CLVS1: variants seen among roughly 807,000 people sequenced by gnomAD.
The protein encoded by CLVS1 is clavesin-1.
Under a neutral mutation model 33.1 loss-of-function variants are expected in CLVS1, and 10 were observed. That is an observed-to-expected ratio of 0.30 (90% CI 0.19 to 0.51). The LOEUF is 0.51. Among genes scored for constraint, CLVS1 ranks in the 20% least tolerant of loss-of-function variants. The pLI, the probability that CLVS1 is intolerant of heterozygous loss-of-function variation, is 0.97. For synonymous variants in CLVS1, 163 were observed against 166.1 expected, an observed-to-expected ratio of 0.98 and a Z score of 0.14; for missense variants, 343 against 433.4, an observed-to-expected ratio of 0.79 and a Z score of 1.85.
chr8:61,316,727 T>C (rs907526060), intron 2 of CLVS1, among the ~76,000 whole-genome samples: 1 of 152,236 alleles, frequency 6.6e-6, no homozygotes, highest in Non-Finnish European at 1.5e-5. Context: ...GCATCCACTG[T>C]GTATAGCTTT....
At chr8:61,497,769 G>A (rs1244483695) in intron 5 of CLVS1, among the ~76,000 whole-genome samples, 1 of 152,210 alleles carries the variant, frequency 6.6e-6, no homozygotes, top group Non-Finnish European at 1.5e-5. Context: ...CATAGAAAGA[G>A]CAGCTCTGAG....
At chr8:61,075,883 C>A (rs1325692186) in intron 1 of CLVS1, among the ~76,000 whole-genome samples, 1 of 152,230 alleles carries the variant, frequency 6.6e-6, no homozygotes, top group Admixed American at 6.5e-5. Context: ...CATCTTCCAT[C>A]TCCTGTCCAG....
intron 5 of CLVS1, among the ~76,000 whole-genome samples, chr8:61,474,288 T>C (rs1817834968): frequency 6.6e-6 from 1 of 152,060 alleles, no homozygotes; most frequent in African/African-American, 2.4e-5. Context: ...AAGGTGAAGA[T>C]TTAAAGGTAT....
intron 2 of CLVS1, among the ~76,000 whole-genome samples, chr8:61,166,132 ATTTTTTT>A (rs201835615): frequency 7.8e-6 from 1 of 128,816 alleles, no homozygotes; most frequent in East Asian, 2.2e-4. Context: ...TATTTATTTT[ATTTTTTT>A]TTTTTTGAGA....
chr8:61,098,385 TC>T (rs1287883954), intron 1 of CLVS1, among the ~76,000 whole-genome samples: 1 of 144,336 alleles, frequency 6.9e-6, no homozygotes, highest in Non-Finnish European at 1.5e-5. Context: ...AGATTAAAAT[TC>T]CCTTTTAGGG....
chr8:61,088,891 T>A (rs536715131), intron 1 of CLVS1, among the ~76,000 whole-genome samples: 41 of 151,188 alleles, frequency 2.7e-4, no homozygotes, highest in African/African-American at 8.3e-4. Context: ...AAGCTCCGCC[T>A]CCTGGGTTCA....
intron 2 of CLVS1, among the ~76,000 whole-genome samples, chr8:61,370,890 A>G (rs1813410475): frequency 6.6e-6 from 1 of 151,696 alleles, no homozygotes; most frequent in South Asian, 2.1e-4. Context: ...TTCTTTATTT[A>G]CTCGTTGATT....
intron 2 of CLVS1, among the ~76,000 whole-genome samples, chr8:61,313,434 G>A (rs1810908221): frequency 6.6e-6 from 1 of 152,296 alleles, no homozygotes; most frequent in African/African-American, 2.4e-5. Context: ...TTATCCTAAG[G>A]ACAAATCAAG....
intron 3 of CLVS1, among the ~76,000 whole-genome samples, chr8:61,431,276 T>C (rs1816102808): frequency 2.0e-5 from 3 of 152,208 alleles, no homozygotes; most frequent in Non-Finnish European, 4.4e-5. Flanking sequence ...TGGGAAACAA[T>C]GTATTAAACA....
intron 1 of CLVS1, among the ~76,000 whole-genome samples, chr8:61,093,856 G>C (rs927255495): frequency 2.6e-5 from 4 of 152,234 alleles, no homozygotes; most frequent in Non-Finnish European, 5.9e-5. Context: ...CTACTATGGT[G>C]ACTGGGTTAA....
At chr8:61,376,866 T>C (rs920456393) in intron 3 of CLVS1, 87 bp downstream of exon 3, 1 of 1,265,632 alleles carries the variant, frequency 7.9e-7, no homozygotes, top group Non-Finnish European at 1.1e-6. Context: ...ATTTATCCTT[T>C]GGAGTGGAAA....
intron 1 of CLVS1, among the ~76,000 whole-genome samples, chr8:61,060,186 A>T (rs2129277715): frequency 6.6e-6 from 1 of 152,312 alleles, no homozygotes; most frequent in South Asian, 2.1e-4. Context: ...AACAAGAAAG[A>T]CATTCCTTCT....
chr8:61,093,482 G>A (rs1805291212), intron 1 of CLVS1, among the ~76,000 whole-genome samples: 1 of 152,092 alleles, frequency 6.6e-6, no homozygotes, highest in South Asian at 2.1e-4. Flanking sequence ...ATTATAATGT[G>A]CTTACAAAAA....
chr8:61,490,208 G>A (rs183168162), intron 5 of CLVS1, among the ~76,000 whole-genome samples: 13 of 151,644 alleles, frequency 8.6e-5, no homozygotes, highest in Middle Eastern at 3.4e-3. Context: ...CCAGCTACTC[G>A]GTTGGTTGAG....
At chr8:61,391,929 A>G (rs1814319120) in intron 3 of CLVS1, among the ~76,000 whole-genome samples, 1 of 152,200 alleles carries the variant, frequency 6.6e-6, no homozygotes, top group African/African-American at 2.4e-5. Flanking sequence ...ATATCCTGCA[A>G]TTCTTTTCTC....
intron 2 of CLVS1, among the ~76,000 whole-genome samples, chr8:61,196,643 A>T (rs1243265630): frequency 6.6e-6 from 1 of 152,166 alleles, no homozygotes; most frequent in Non-Finnish European, 1.5e-5. Context: ...AGCAGACATT[A>T]TCTCCAGCTT....
chr8:61,403,607 G>A (rs1814857027), intron 3 of CLVS1, among the ~76,000 whole-genome samples: 1 of 152,116 alleles, frequency 6.6e-6, no homozygotes, highest in Non-Finnish European at 1.5e-5. Flanking sequence ...AAAAATGAGA[G>A]GAGCTGAAGA....
chr8:61,321,491 C>A (rs1218951686), intron 2 of CLVS1, among the ~76,000 whole-genome samples: 1 of 151,772 alleles, frequency 6.6e-6, no homozygotes, highest in Non-Finnish European at 1.5e-5. Flanking sequence ...ACTGCATATG[C>A]GTGGGAATGG....
chr8:61,150,719 A>G (rs1399030932), intron 2 of CLVS1, among the ~76,000 whole-genome samples: 2 of 152,188 alleles, frequency 1.3e-5, no homozygotes, highest in African/African-American at 4.8e-5. Flanking sequence ...CCTTTGGTAC[A>G]TCATGGCCAC....
Sources: allele counts gnomAD v4.1 joint callset (sites outside exome capture counted in the v4.1 genomes callset), GRCh38; gene constraint gnomAD v4.1.1; transcripts MANE v1.5; gene names NCBI Gene and HGNC (gene_info 2026-07-23, HGNC 2026-07-21).